The following HS3ST3A1 variants were observed in gnomAD, a reference collection of about 807,000 sequenced individuals.
HS3ST3A1 encodes heparan sulfate-glucosamine 3-sulfotransferase 3A1, also known as heparan sulfate glucosamine 3-O-sulfotransferase 3A1.
HS3ST3A1 carries 19 observed loss-of-function variants against 25.7 expected under a neutral mutation model. The observed-to-expected ratio is 0.74, with a 90% CI of 0.52 to 1.08. The LOEUF is 1.08. Ranked by LOEUF, HS3ST3A1 falls within the 50% of genes least tolerant of loss-of-function variation. HS3ST3A1 has a pLI of 0.00. For synonymous variants in HS3ST3A1, 226 were observed against 278.6 expected (o/e 0.81, Z 1.88); for missense variants, 459 against 594.3 (o/e 0.77, Z 2.37).
chr17:13,496,714 T>G lies in HS3ST3A1; in HGVS notation c.704A>C (p.Asp235Ala), dbSNP rs1219403061. 6.2e-7 allele frequency: 1 copy of G among 1,613,946 alleles called. No individual in the cohort carries two copies. The highest frequency in any genetic ancestry group is 8.5e-7 in the Non-Finnish European group (1 of 1,179,982). The change falls in exon 2 of 2, where the codon GAC (aspartate) becomes GCC (alanine). Residue 235 changes from aspartate to alanine, a missense_variant. Transcript: ENST00000284110. The part of the protein sequence containing the change: ...APARISAMSK[D>A]TKLIVVVRDP... ...CCGCACCACCACGATGAGCTTGGTGTCCTTGGACATGGCCGAGATGCGCGC... is the reference window on the plus strand; with the variant it reads ...CCGCACCACCACGATGAGCTTGGTGGCCTTGGACATGGCCGAGATGCGCGC...
chr17:13,499,980 C>T (rs1905413565), intron 1 of HS3ST3A1, among the ~76,000 whole-genome samples: 1 of 152,094 alleles, frequency 6.6e-6, no homozygotes, highest in African/African-American at 2.4e-5. Context: ...AAAATGGTTG[C>T]TTTGTAACAG....
chr17:13,506,078 CTTTTT>C (rs577292327), intron 1 of HS3ST3A1, among the ~76,000 whole-genome samples: 1 of 119,108 alleles, frequency 8.4e-6, no homozygotes, highest in African/African-American at 3.1e-5. Flanking sequence ...GTTGGAGTTA[CTTTTT>C]TTTTTTTTTT....
chr17:13,567,242 G>C (rs921814071), intron 1 of HS3ST3A1, among the ~76,000 whole-genome samples: 1 of 152,120 alleles, frequency 6.6e-6, no homozygotes, highest in African/African-American at 2.4e-5. Context: ...TTACAGCATG[G>C]TTTACTGAAT....
intron 1 of HS3ST3A1, among the ~76,000 whole-genome samples, chr17:13,546,059 G>A (rs1004077894): frequency 2.6e-5 from 4 of 151,972 alleles, no homozygotes; most frequent in South Asian, 4.2e-4. Flanking sequence ...GAGAGAGTGC[G>A]TATGTGCATT....
chr17:13,567,978 GC>G (rs1907715670), intron 1 of HS3ST3A1, among the ~76,000 whole-genome samples: 1 of 152,214 alleles, frequency 6.6e-6, no homozygotes, highest in Non-Finnish European at 1.5e-5. Context: ...GAGGTAAAAT[GC>G]TATCAAACAG....
chr17:13,503,737 A>G (rs1905565491), intron 1 of HS3ST3A1, among the ~76,000 whole-genome samples: 1 of 152,198 alleles, frequency 6.6e-6, no homozygotes, highest in Admixed American at 6.5e-5. Context: ...TTTGGGTGAG[A>G]ATGTGGAACT....
At chr17:13,572,762 T>C (rs1427235381) in intron 1 of HS3ST3A1, among the ~76,000 whole-genome samples, 1 of 152,248 alleles carries the variant, frequency 6.6e-6, no homozygotes, top group Non-Finnish European at 1.5e-5. Context: ...GTTTTTACCA[T>C]GTGCAAGGCA....
At position 13,586,722 on chromosome 17, in the gene HS3ST3A1, T is replaced by C. The variant is rs542412485; in HGVS notation, c.599+13809A>G. Reference sequence around the variant, plus strand: ...CTCTACTAAAAAAATACAAAAAAATTAGCCAAGCGTGGTGGCGGGCGCCTG... The same window carrying C: ...CTCTACTAAAAAAATACAAAAAAATCAGCCAAGCGTGGTGGCGGGCGCCTG... On this transcript the variant is annotated intron_variant, in intron 1 of 1. Coordinates refer to ENST00000284110, the MANE Select transcript of HS3ST3A1 (RefSeq NM_006042.3). 1.3e-3 allele frequency among the ~76,000 whole-genome samples: 191 copies of C among 150,528 alleles called. 1 individual carries two copies. Among genetic ancestry groups the C allele is most frequent in the African/African-American group, 4.4e-3 (181 of 40,824 alleles).
chr17:13,547,399 C>A (rs181184485), intron 1 of HS3ST3A1, among the ~76,000 whole-genome samples: 1 of 152,194 alleles, frequency 6.6e-6, no homozygotes, highest in East Asian at 1.9e-4. Context: ...GAACTTTTAG[C>A]CTCACCCTAC....
rs1907942312 is a variant in HS3ST3A1 at position 13,576,102 on chromosome 17, C to G, written c.599+24429G>C. On this transcript the variant is annotated intron_variant, in intron 1 of 1. Transcript: ENST00000284110. ...ATTCTGATGCAACTTAGGTTAAGCA[C>G]TGCCTTAGCAAATGGTGGTGGTGGC... Among the ~76,000 whole-genome samples the G allele has an allele frequency of 1.3e-5, 2 of 152,232 alleles. 1 individual carries two copies. The highest frequency in any genetic ancestry group is 4.1e-4 in the South Asian group (2 of 4,836).
At chr17:13,511,793 T>G (rs1905869602) in intron 1 of HS3ST3A1, among the ~76,000 whole-genome samples, 1 of 151,964 alleles carries the variant, frequency 6.6e-6, no homozygotes, top group Non-Finnish European at 1.5e-5. Context: ...AATTAGGAAG[T>G]CAATTTAAAA....
Position 13,601,260 on chromosome 17 carries a change from C to A in HS3ST3A1, c.-131G>T. On this transcript the variant is annotated 5_prime_UTR_variant, in exon 1 of 2. Transcript: ENST00000284110. ...ATCGCCGTGCGCCCCTGTGGCCGTG[C>A]GAACTGTCCCGGGAGGCAGCGGCCG... is the stretch of plus-strand genomic sequence containing the variant. 2.9e-6 allele frequency: 2 copies of A among 681,514 alleles called. No homozygotes were observed. Among genetic ancestry groups the A allele is most frequent in the Non-Finnish European group, 4.5e-6 (2 of 440,768 alleles). 42.2% of individuals were successfully genotyped at this position (681,514 alleles called of 1,614,324 possible). A position where few individuals can be genotyped will look rare whatever the true frequency, so the allele number is the denominator to read the frequency against.
chr17:13,519,322 A>G (rs757799799), intron 1 of HS3ST3A1, among the ~76,000 whole-genome samples: 32 of 152,222 alleles, frequency 2.1e-4, no homozygotes, highest in Non-Finnish European at 3.8e-4. Flanking sequence ...TTTTGTTCTT[A>G]TCTATCACGC....
chr17:13,535,233 C>T (rs756690566), intron 1 of HS3ST3A1, among the ~76,000 whole-genome samples: 4 of 152,084 alleles, frequency 2.6e-5, no homozygotes, highest in East Asian at 1.9e-4. Flanking sequence ...AAACTCATGG[C>T]CAATAGTGCT....
intron 1 of HS3ST3A1, among the ~76,000 whole-genome samples, chr17:13,536,651 G>C (rs922868034): frequency 6.6e-5 from 10 of 152,152 alleles, no homozygotes; most frequent in Non-Finnish European, 1.3e-4. Flanking sequence ...CTTCCAGTTG[G>C]CTTCTCTTAA....
chr17:13,512,667 ACCT>A (rs1486037344), intron 1 of HS3ST3A1, among the ~76,000 whole-genome samples: 1 of 152,120 alleles, frequency 6.6e-6, no homozygotes, highest in Non-Finnish European at 1.5e-5. Flanking sequence ...AACATTTTTC[ACCT>A]CCTGCTTTAG....
At chr17:13,522,045 T>A (rs1906264289) in intron 1 of HS3ST3A1, among the ~76,000 whole-genome samples, 1 of 152,200 alleles carries the variant, frequency 6.6e-6, no homozygotes. Flanking sequence ...AACTGTCCTC[T>A]GATGAAAACC....
Position 13,526,379 on chromosome 17 carries a change from T to C in HS3ST3A1, c.600-29561A>G, listed in dbSNP as rs573003210. On this transcript the variant is annotated intron_variant, in intron 1 of 1. Coordinates refer to ENST00000284110, the MANE Select transcript of HS3ST3A1 (RefSeq NM_006042.3). The stretch of plus-strand genomic sequence containing the variant: ...GACAGTGCTTTTTCCTTCTTGCTAC[T>C]ATTTCTTTGGCCATGTCACTGGGAA... Among the ~76,000 whole-genome samples the C allele has an allele frequency of 2.8e-3, 422 of 150,498 alleles. 4 individuals are homozygous for C. The highest frequency in any genetic ancestry group is 2.8e-3 in the Non-Finnish European group (188 of 67,616).
At chr17:13,574,134 CTTTTT>C (rs557193269) in intron 1 of HS3ST3A1, among the ~76,000 whole-genome samples, 1 of 126,036 alleles carries the variant, frequency 7.9e-6, no homozygotes, top group Non-Finnish European at 1.6e-5. Context: ...CCATATCACT[CTTTTT>C]TTTTTTTTTT....
Sources: allele counts gnomAD v4.1 joint callset (sites outside exome capture counted in the v4.1 genomes callset), GRCh38; gene constraint gnomAD v4.1.1; transcripts MANE v1.5; gene names NCBI Gene and HGNC (gene_info 2026-07-23, HGNC 2026-07-21).